Variants in DGKH observed in about 807,000 individuals in gnomAD.
DGKH encodes the protein diacylglycerol kinase eta, also known as DAG kinase eta.
DGKH carries 90 observed loss-of-function variants against 159.3 expected under a neutral mutation model. The observed-to-expected ratio is 0.57, with a 90% CI of 0.48 to 0.67. The LOEUF is 0.67. DGKH is among the 30% of genes least tolerant of loss of function. DGKH has a pLI of 0.00. For synonymous variants in DGKH, 536 were observed against 553.8 expected, an observed-to-expected ratio of 0.97 and a Z score of 0.45; for missense variants, 1,181 against 1,506.1, an observed-to-expected ratio of 0.78 and a Z score of 3.57.
Position 42,119,387 on chromosome 13 carries a change from C to T in DGKH, c.193-8076C>T, listed in dbSNP as rs116879813. ...GATGTCACATGACAAAGTTCAGAGA[C>T]GCTCCTCTTAGCCGAGGTGGCTTCC... On this transcript the variant is annotated intron_variant, in intron 1 of 29. Transcript: ENST00000337343. 6.8e-4 allele frequency among the ~76,000 whole-genome samples: 103 copies of T among 152,292 alleles called. No homozygotes were observed. In the East Asian group the frequency reaches 0.016, roughly 24 times the overall value.
At chr13:42,076,344 G>T (rs1954098451) in intron 1 of DGKH, among the ~76,000 whole-genome samples, 1 of 152,162 alleles carries the variant, frequency 6.6e-6, no homozygotes, top group Non-Finnish European at 1.5e-5. Flanking sequence ...TGCTATATTT[G>T]TATGTGCAGC....
chr13:42,074,143 A>G (rs1000459941), intron 1 of DGKH, among the ~76,000 whole-genome samples: 2 of 152,256 alleles, frequency 1.3e-5, no homozygotes, highest in Non-Finnish European at 2.9e-5. Flanking sequence ...GTCTTAAGGT[A>G]CATAGTGGAA....
chr13:42,208,407 A>T (rs553923132), intron 21 of DGKH, among the ~76,000 whole-genome samples: 2 of 152,126 alleles, frequency 1.3e-5, no homozygotes, highest in African/African-American at 4.8e-5. Flanking sequence ...TTCTATTTGC[A>T]TACTCTCAAG....
intron 1 of DGKH, among the ~76,000 whole-genome samples, chr13:42,094,983 G>T (rs1115398): frequency 0.14 from 21,528 of 151,962 alleles, 1,695 homozygotes; most frequent in South Asian, 0.18. Flanking sequence ...AAAAACTTGT[G>T]TTAACCTGGG....
At position 42,194,868 on chromosome 13, in the gene DGKH, G is replaced by A; in HGVS notation, c.2036-17G>A. Reference sequence around the variant, plus strand: ...CTTTATCATTATCTCTTTTTAATCTGGACTTTTTGCCAACAGTTAAAACTG... The same window carrying A: ...CTTTATCATTATCTCTTTTTAATCTAGACTTTTTGCCAACAGTTAAAACTG... On this transcript the variant is annotated splice_polypyrimidine_tract_variant and intron_variant, in intron 16 of 29. Coordinates refer to ENST00000337343, the MANE Select transcript of DGKH (RefSeq NM_178009.5). The A allele has an allele frequency of 6.2e-7, 1 of 1,604,332 alleles. No individual in the cohort carries two copies. Among genetic ancestry groups the A allele is most frequent in the Non-Finnish European group, 8.5e-7 (1 of 1,177,098 alleles).
intron 1 of DGKH, among the ~76,000 whole-genome samples, chr13:42,119,139 A>G (rs545288537): frequency 3.9e-5 from 6 of 152,180 alleles, no homozygotes; most frequent in Non-Finnish European, 8.8e-5. Context: ...TGCTACGGTG[A>G]TGCAGCTCAT....
At chr13:42,090,921 C>T (rs1288447835) in intron 1 of DGKH, among the ~76,000 whole-genome samples, 2 of 152,226 alleles carry the variant, frequency 1.3e-5, no homozygotes, top group African/African-American at 4.8e-5. Flanking sequence ...GAGGAGACAG[C>T]GTTCCTTCTC....
At chr13:42,048,385 C>A (rs921428860), upstream of DGKH, among the ~76,000 whole-genome samples, 7 of 147,510 alleles carry the variant, frequency 4.7e-5, no homozygotes, top group Non-Finnish European at 3.0e-5. The surrounding 1 kb of genome is among the most constrained non-coding windows in gnomAD (Gnocchi z 6.7). Context: ...GGTTTCCTGC[C>A]TCCCCCACCC....
At chr13:42,121,679 C>T (rs1955074606) in intron 1 of DGKH, among the ~76,000 whole-genome samples, 1 of 152,240 alleles carries the variant, frequency 6.6e-6, no homozygotes, top group African/African-American at 2.4e-5. Flanking sequence ...CTCACCACTA[C>T]ACCCATAGAA....
At chr13:42,153,845 A>G (rs547746899) in intron 3 of DGKH, 128 of 152,380 alleles carry the variant, frequency 8.4e-4, no homozygotes, top group African/African-American at 2.8e-3. Context: ...TTCATATGCA[A>G]TTAACAAATA....
chr13:42,133,170 CA>C (rs34669948), intron 3 of DGKH, among the ~76,000 whole-genome samples: 80 of 141,834 alleles, frequency 5.6e-4, no homozygotes, highest in South Asian at 2.5e-3. Flanking sequence ...GACTTTGTCT[CA>C]AAAAAAAAAA....
chr13:42,188,467 T>C (rs1166800401), intron 14 of DGKH, among the ~76,000 whole-genome samples: 1 of 152,196 alleles, frequency 6.6e-6, no homozygotes, highest in Non-Finnish European at 1.5e-5. Context: ...TGTTCACTCC[T>C]TTGCAAACCA....
intron 20 of DGKH, 34 bp from the exon 21 acceptor site, chr13:42,206,005 A>G: frequency 8.2e-7 from 1 of 1,216,488 alleles, no homozygotes; most frequent in South Asian, 2.8e-5. Flanking sequence ...TTTTTATCTA[A>G]TCTCTACTTT....
chr13:42,064,683 A>G (rs1882433519), intron 1 of DGKH, among the ~76,000 whole-genome samples: 1 of 152,162 alleles, frequency 6.6e-6, no homozygotes, highest in Non-Finnish European at 1.5e-5. Flanking sequence ...AAAGAAAAGA[A>G]AGAGTACTAA....
At chr13:42,206,987 C>CT (rs756109046) in intron 21 of DGKH, among the ~76,000 whole-genome samples, 1 of 128,846 alleles carries the variant, frequency 7.8e-6, no homozygotes, top group Non-Finnish European at 1.6e-5. Context: ...TTCTTTCTTT[C>CT]TTTCTTTCTT....
chr13:42,229,058 A>G (rs1229572410), intron 29 of DGKH, 41 bp from the exon 30 acceptor site: 1 of 1,533,188 alleles, frequency 6.5e-7, no homozygotes, highest in Non-Finnish European at 8.9e-7. Context: ...TTTTTCTTTC[A>G]TTTTTAATTA....
At chr13:42,182,778 A>G (rs759753721) in intron 13 of DGKH, among the ~76,000 whole-genome samples, 11 of 152,230 alleles carry the variant, frequency 7.2e-5, no homozygotes, top group Non-Finnish European at 1.2e-4. Context: ...GCGCACATAT[A>G]ATCTTTTTAA....
At chr13:42,207,854 TA>T (rs1395978057) in intron 21 of DGKH, among the ~76,000 whole-genome samples, 41 of 152,090 alleles carry the variant, frequency 2.7e-4, no homozygotes, top group Non-Finnish European at 8.8e-5. Context: ...AGGGATACAG[TA>T]TAAGATCAAT....
chr13:42,082,069 A>G (rs1308703017), intron 1 of DGKH, among the ~76,000 whole-genome samples: 1 of 151,990 alleles, frequency 6.6e-6, no homozygotes, highest in Non-Finnish European at 1.5e-5. Flanking sequence ...TATTTAACCT[A>G]TCAGATCAAT....
Sources: gnomAD v4.1 joint callset for allele counts (sites outside exome capture counted in the v4.1 genomes callset) on GRCh38, gnomAD v4.1.1 for gene constraint, Gnocchi (gnomAD v3.1) non-coding constraint, MANE v1.5 for transcripts, NCBI Gene and HGNC (gene_info 2026-07-23, HGNC 2026-07-21) for gene names.